The following DCHS2 variants were observed in gnomAD, a reference collection of about 807,000 sequenced individuals.
The protein encoded by DCHS2 is dachsous cadherin-related 2.
Under a neutral mutation model 182.4 loss-of-function variants are expected in DCHS2, and 142 were observed. The observed-to-expected ratio is 0.78, with a 90% CI of 0.68 to 0.89. The LOEUF (loss-of-function observed/expected upper bound fraction) is 0.89, where lower values mean the gene tolerates loss of function less well. Among genes scored for constraint, DCHS2 ranks in the 40% least tolerant of loss-of-function variants. The probability of loss-of-function intolerance (pLI) is 0.00; values close to 1 mark genes in which losing one functional copy is unlikely to be tolerated. For synonymous variants in DCHS2, 1,740 were observed against 1,663.3 expected (o/e 1.05, Z -1.12); for missense variants, 4,319 against 4,198.6 (o/e 1.03, Z -0.79).
chr4:154,404,996 C>T (rs1732338522), intron 1 of DCHS2, among the ~76,000 whole-genome samples: 1 of 152,182 alleles, frequency 6.6e-6, no homozygotes, highest in African/African-American at 2.4e-5. Context: ...CCTGTAATCC[C>T]AGCAGTTTGG....
chr4:154,489,999 C>T lies in DCHS2; in HGVS notation c.1357G>A (p.Glu453Lys), dbSNP rs1486745316. ...DADGDWEKED[E>K]ATGELGVGLG... is the part of the protein sequence containing the mutation. ...CCCACACCAAGCTCCCCTGTGGCCT[C>T]ATCTTCCTTCTCCCAGTCACCGTCC... Residue 453 changes from glutamate to lysine, a missense_variant, in exon 1 of 20, where the codon GAG becomes AAG. Coordinates refer to ENST00000357232, the MANE Select transcript of DCHS2 (RefSeq NM_001358235.2). 1 of 1,549,700 alleles carries T rather than the reference C, an allele frequency of 6.5e-7. No individual in the cohort carries two copies. The highest frequency in any genetic ancestry group is 8.7e-7 in the Non-Finnish European group (1 of 1,146,922).
chr4:154,451,705 A>G (rs1318905891), intron 1 of DCHS2, among the ~76,000 whole-genome samples: 1 of 152,120 alleles, frequency 6.6e-6, no homozygotes, highest in East Asian at 1.9e-4. Context: ...ATCCTCCCAG[A>G]GGGCAGAACT....
Position 154,491,785 on chromosome 4 carries a change from A to G in DCHS2, c.-430T>C, listed in dbSNP as rs1728847287. On this transcript the variant is annotated 5_prime_UTR_variant, in exon 1 of 20. Transcript: ENST00000357232. ...AAGGAGAGGATGGGGATCTGGCCGG[A>G]GTAGGGGGTGGAGTAAGGGCGTGGA... 1.9e-5 allele frequency: 19 copies of G among 981,448 alleles called. No homozygotes were observed. Among genetic ancestry groups the G allele is most frequent in the Non-Finnish European group, 2.3e-5 (19 of 830,128 alleles). The allele number at this position is 981,448 out of a possible 1,614,324, so 60.8% of individuals were successfully genotyped here.
chr4:154,427,729 A>G (rs1261399711), intron 1 of DCHS2, among the ~76,000 whole-genome samples: 3 of 152,202 alleles, frequency 2.0e-5, no homozygotes, highest in Non-Finnish European at 2.9e-5. Flanking sequence ...TCCTGATGAG[A>G]GCAAAGGCTC....
intron 3 of DCHS2, among the ~76,000 whole-genome samples, chr4:154,340,114 T>TTCATAG (rs1222655406): frequency 2.0e-5 from 3 of 147,998 alleles, no homozygotes; most frequent in Non-Finnish European, 4.5e-5. Flanking sequence ...TGAAGGAAAC[T>TTCATAG]TGTAAACTAT....
At chr4:154,439,302 T>C (rs1316845491) in intron 1 of DCHS2, among the ~76,000 whole-genome samples, 1 of 152,182 alleles carries the variant, frequency 6.6e-6, no homozygotes. Flanking sequence ...TTTAAGAAAT[T>C]GAAAGCTACT....
In DCHS2 at chr4:154,282,475, A is replaced by T. The variant is rs145004677; in HGVS notation, c.6464-12462T>A. ...CACAAGATATTACCTTATACCCATT[A>T]GGATGGCATTTATTTTATATCAAAA... is the stretch of plus-strand genomic sequence containing the variant. On this transcript the variant is annotated intron_variant, in intron 13 of 19. Transcript: ENST00000357232. Among the ~76,000 whole-genome samples, 703 of 152,050 alleles carry T rather than the reference A, an allele frequency of 4.6e-3. 4 individuals are homozygous for T. The highest frequency in any genetic ancestry group is 0.016 in the African/African-American group (664 of 41,440).
chr4:154,320,604 G>T lies in DCHS2; in HGVS notation c.4795C>A (p.Arg1599=), dbSNP rs747879821. The T allele has an allele frequency of 4.3e-6, 7 of 1,613,926 alleles. No individual in the cohort carries two copies. Among genetic ancestry groups the T allele is most frequent in the Non-Finnish European group, 5.1e-6 (6 of 1,180,024 alleles). The change falls in exon 9 of 20, where the codon CGG becomes AGG. Residue 1599 remains arginine, a synonymous_variant. Coordinates refer to ENST00000357232, the MANE Select transcript of DCHS2 (RefSeq NM_001358235.2). ...ASDQAVNVTD[R]RLRSLTAQIV... ...TGTGCTGTCAGTGATCTCAGTCGCC[G>T]GTCTGTCACATTCACAGCCTGATCA... is the stretch of plus-strand genomic sequence containing the variant.
chr4:154,346,075 C>T (rs923867416), intron 3 of DCHS2, among the ~76,000 whole-genome samples: 1 of 152,170 alleles, frequency 6.6e-6, no homozygotes, highest in African/African-American at 2.4e-5. Context: ...GTATAAGCCA[C>T]TCATCCCATT....
At chr4:154,462,624 C>T (rs746042882) in intron 1 of DCHS2, among the ~76,000 whole-genome samples, 8 of 152,134 alleles carry the variant, frequency 5.3e-5, no homozygotes, top group Non-Finnish European at 1.0e-4. Flanking sequence ...GAATGTCTGA[C>T]TCTGGATTTT....
At chr4:154,326,471 G>A (rs1003288957) in intron 7 of DCHS2, among the ~76,000 whole-genome samples, 2 of 151,982 alleles carry the variant, frequency 1.3e-5, no homozygotes, top group Admixed American at 6.6e-5. Flanking sequence ...ATTTCTTTGT[G>A]AGCTTCTGCA....
At chr4:154,361,611 G>A (rs1276311687) in intron 3 of DCHS2, among the ~76,000 whole-genome samples, 2 of 151,808 alleles carry the variant, frequency 1.3e-5, no homozygotes, top group Non-Finnish European at 2.9e-5. Context: ...GAGAAATGAA[G>A]GCTCAACTCA....
intron 10 of DCHS2, among the ~76,000 whole-genome samples, chr4:154,309,914 C>T (rs1735605677): frequency 1.3e-5 from 2 of 152,168 alleles, no homozygotes; most frequent in South Asian, 4.1e-4. Context: ...TTTCAAAGGA[C>T]TAGGAAATTA....
chr4:154,437,458 C>T (rs1733826834), intron 1 of DCHS2, among the ~76,000 whole-genome samples: 1 of 152,188 alleles, frequency 6.6e-6, no homozygotes, highest in Admixed American at 6.5e-5. Flanking sequence ...GTAGAGAGAA[C>T]TCCCTAGATT....
intron 17 of DCHS2, among the ~76,000 whole-genome samples, 153 bp downstream of exon 17, chr4:154,242,488 CA>C (rs1318946712): frequency 1.3e-5 from 2 of 152,028 alleles, no homozygotes; most frequent in African/African-American, 4.8e-5. Context: ...TATGATCATC[CA>C]TTTTTTTGTT....
chr4:154,309,635 A>C (rs934919388), intron 10 of DCHS2, among the ~76,000 whole-genome samples: 9 of 152,168 alleles, frequency 5.9e-5, no homozygotes, highest in Non-Finnish European at 1.2e-4. Flanking sequence ...CTGATAGAGC[A>C]CTTGGCACCA....
intron 2 of DCHS2, among the ~76,000 whole-genome samples, chr4:154,376,452 A>G (rs557251360): frequency 4.3e-4 from 18 of 42,280 alleles, no homozygotes; most frequent in South Asian, 1.4e-3. Context: ...GCAAGTTACT[A>G]TTAAAAAAAA....
chr4:154,237,754 A>G (rs957645486), intron 19 of DCHS2, among the ~76,000 whole-genome samples: 1 of 152,172 alleles, frequency 6.6e-6, no homozygotes, highest in Admixed American at 6.5e-5. Context: ...TGTGTGTTAA[A>G]CCATTTTTAA....
intron 1 of DCHS2, among the ~76,000 whole-genome samples, chr4:154,477,183 C>T (rs1735720223): frequency 6.6e-6 from 1 of 152,184 alleles, no homozygotes; most frequent in Admixed American, 6.5e-5. Context: ...GGTGAGGGCC[C>T]TCCTCCTGGT....
Sources: gnomAD v4.1 joint callset for allele counts (sites outside exome capture counted in the v4.1 genomes callset) on GRCh38, gnomAD v4.1.1 for gene constraint, MANE v1.5 for transcripts, NCBI Gene and HGNC (gene_info 2026-07-23, HGNC 2026-07-21) for gene names.